Variants in ZNRF1 observed in about 807,000 individuals in gnomAD.
ZNRF1 encodes the protein zinc and ring finger 1.
A neutral mutation model predicts 18.4 loss-of-function variants in ZNRF1; 3 were observed. The ratio of observed to expected loss-of-function variants is 0.16; its 90% CI spans 0.07 to 0.42. The LOEUF (loss-of-function observed/expected upper bound fraction) is 0.42, where lower values mean the gene tolerates loss of function less well. ZNRF1 is among the 10% of genes least tolerant of loss of function. The pLI is 0.99. For missense variants in ZNRF1, 310 were observed against 329.8 expected (o/e 0.94, Z 0.47); for synonymous variants, 157 against 144.2 (o/e 1.09, Z -0.64).
intron 1 of ZNRF1, among the ~76,000 whole-genome samples, chr16:75,047,688 T>C (rs1307743318): frequency 1.3e-5 from 2 of 152,170 alleles, no homozygotes; most frequent in East Asian, 3.8e-4. Flanking sequence ...CTAATATAGA[T>C]AATCATATCA....
chr16:75,001,063 T>C (rs574236967), intron 1 of ZNRF1, among the ~76,000 whole-genome samples: 1 of 152,272 alleles, frequency 6.6e-6, no homozygotes, highest in Admixed American at 6.5e-5. Context: ...TCTAGAAAAT[T>C]GGCCAAAAGG....
At chr16:75,082,412 G>C (rs549634301) in intron 1 of ZNRF1, among the ~76,000 whole-genome samples, 2 of 152,284 alleles carry the variant, frequency 1.3e-5, no homozygotes, top group African/African-American at 4.8e-5. Context: ...GATCCACCTG[G>C]CAGGCTGCAG....
intron 1 of ZNRF1, among the ~76,000 whole-genome samples, chr16:75,087,737 C>G (rs1175129598): frequency 6.6e-6 from 1 of 152,232 alleles, no homozygotes; most frequent in Admixed American, 6.5e-5. Context: ...CGTTCCCTGC[C>G]TCTGCCTCTG....
chr16:75,031,794 A>G (rs563166528), intron 1 of ZNRF1, among the ~76,000 whole-genome samples: 1 of 152,198 alleles, frequency 6.6e-6, no homozygotes, highest in Non-Finnish European at 1.5e-5. Context: ...GAGCCACCAC[A>G]CCCGGCTATA....
In ZNRF1 at chr16:75,050,898, A is replaced by C. The variant is rs1001631071; in HGVS notation, c.425-42674A>C. On this transcript the variant is annotated intron_variant, in intron 1 of 4. Coordinates refer to ENST00000335325, the MANE Select transcript of ZNRF1 (RefSeq NM_032268.5). ...AAAAAAAAAAAAAAAACAAAAAAAA[A>C]CAAAAAACTTGTAGCCAGGTACAGT... Among the ~76,000 whole-genome samples, 3 of 54,874 alleles carry C rather than the reference A, an allele frequency of 5.5e-5. 1 individual carries two copies. The highest frequency in any genetic ancestry group is 1.8e-4 in the African/African-American group (3 of 16,580). The allele number at this position is 54,874 out of a possible 152,430, so 36.0% of individuals were successfully genotyped here.
At chr16:75,064,021 G>C (rs1225210920) in intron 1 of ZNRF1, among the ~76,000 whole-genome samples, 1 of 152,190 alleles carries the variant, frequency 6.6e-6, no homozygotes, top group African/African-American at 2.4e-5. Context: ...GTTTTGGCCG[G>C]GTGCAGTGGC....
intron 1 of ZNRF1, among the ~76,000 whole-genome samples, chr16:75,038,911 T>A (rs2145358934): frequency 6.6e-6 from 1 of 152,316 alleles, no homozygotes; most frequent in African/African-American, 2.4e-5. Context: ...CCCCATCTGC[T>A]CCAGTATACA....
At chr16:75,104,153 G>T (rs376217993) in intron 2 of ZNRF1, 1 of 152,396 alleles carries the variant, frequency 6.6e-6, no homozygotes, top group South Asian at 2.1e-4. Flanking sequence ...TTTACTTTGT[G>T]TAGTATTTTT....
At chr16:75,064,132 C>CTA (rs1407645151) in intron 1 of ZNRF1, among the ~76,000 whole-genome samples, 1 of 151,738 alleles carries the variant, frequency 6.6e-6, no homozygotes, top group Non-Finnish European at 1.5e-5. Flanking sequence ...AACCCCATCT[C>CTA]TACCAAAAAT....
At chr16:75,040,601 T>G (rs1181319961) in intron 1 of ZNRF1, among the ~76,000 whole-genome samples, 11 of 126,464 alleles carry the variant, frequency 8.7e-5, no homozygotes, top group Non-Finnish European at 1.4e-4. Context: ...TTTGTGGGTT[T>G]TTTTTTTTTT....
In ZNRF1 at chr16:75,019,654, A is replaced by G. The variant is rs372887950; in HGVS notation, c.424+19559A>G. On this transcript the variant is annotated intron_variant, in intron 1 of 4. Coordinates refer to ENST00000335325, the MANE Select transcript of ZNRF1 (RefSeq NM_032268.5). ...TTTTATTCTGTATGTCCTTACATCAAGCTTATCAGTTATGTTGTCCAAATC... is the reference window on the plus strand; with the variant it reads ...TTTTATTCTGTATGTCCTTACATCAGGCTTATCAGTTATGTTGTCCAAATC... Among the ~76,000 whole-genome samples the G allele has an allele frequency of 2.6e-5, 4 of 152,172 alleles. No individual in the cohort carries two copies. In the East Asian group the frequency reaches 5.8e-4, roughly 22 times the overall value.
intron 4 of ZNRF1, chr16:75,107,239 C>G (rs2036328038): frequency 5.4e-6 from 1 of 185,504 alleles, no homozygotes; most frequent in Non-Finnish European, 1.1e-5. Context: ...ACCATCCACC[C>G]CTGACCCCCA....
At chr16:75,057,441 TC>T (rs2035682867) in intron 1 of ZNRF1, among the ~76,000 whole-genome samples, 1 of 152,170 alleles carries the variant, frequency 6.6e-6, no homozygotes, top group Non-Finnish European at 1.5e-5. Flanking sequence ...AGCAATTTAT[TC>T]CTTAGCCAGG....
intron 1 of ZNRF1, among the ~76,000 whole-genome samples, chr16:75,083,929 G>C (rs1293886946): frequency 6.6e-6 from 1 of 152,206 alleles, no homozygotes; most frequent in African/African-American, 2.4e-5. Context: ...AGCTTATACT[G>C]TCATAATACA....
chr16:75,065,136 A>G (rs1481910620), intron 1 of ZNRF1, among the ~76,000 whole-genome samples: 1 of 152,244 alleles, frequency 6.6e-6, no homozygotes, highest in South Asian at 2.1e-4. Context: ...TGCCTTGGCA[A>G]TTATAGTATT....
chr16:75,034,279 T>G (rs567997215), intron 1 of ZNRF1, among the ~76,000 whole-genome samples: 2 of 152,256 alleles, frequency 1.3e-5, no homozygotes, highest in Non-Finnish European at 2.9e-5. Flanking sequence ...ACTATAACTC[T>G]GTACCCATTA....
intron 1 of ZNRF1, among the ~76,000 whole-genome samples, chr16:75,018,321 T>C (rs59475049): frequency 0.011 from 1,617 of 152,316 alleles, 33 homozygotes; most frequent in African/African-American, 0.037. Context: ...TTCATAGTTT[T>C]AATGAGAAAT....
At chr16:75,086,202 C>T (rs539999481) in intron 1 of ZNRF1, among the ~76,000 whole-genome samples, 1 of 152,302 alleles carries the variant, frequency 6.6e-6, no homozygotes, top group South Asian at 2.1e-4. Context: ...CTCACAGTCA[C>T]ACCAAAAATA....
At chr16:75,022,418 T>C (rs938036660) in intron 1 of ZNRF1, among the ~76,000 whole-genome samples, 1 of 151,232 alleles carries the variant, frequency 6.6e-6, no homozygotes, top group African/African-American at 2.4e-5. Flanking sequence ...AAAAAAAAAT[T>C]AGCCAGGCAT....
Sources: gnomAD v4.1 joint callset for allele counts (sites outside exome capture counted in the v4.1 genomes callset) on GRCh38, gnomAD v4.1.1 for gene constraint, MANE v1.5 for transcripts, NCBI Gene and HGNC (gene_info 2026-07-23, HGNC 2026-07-21) for gene names.